The following PLOD1 variants were observed in gnomAD, a reference collection of about 807,000 sequenced individuals.
PLOD1 encodes procollagen-lysine,2-oxoglutarate 5-dioxygenase 1, also known as lysine hydroxylase.
In PLOD1, 70 loss-of-function variants were observed where a neutral mutation model predicts 94.7. The observed-to-expected ratio is 0.74, with a 90% CI of 0.61 to 0.90. The LOEUF (loss-of-function observed/expected upper bound fraction) is 0.90, where lower values mean the gene tolerates loss of function less well. Among genes scored for constraint, PLOD1 ranks in the 40% least tolerant of loss-of-function variants. The probability of loss-of-function intolerance (pLI) is 0.00; values close to 1 mark genes in which losing one functional copy is unlikely to be tolerated. For synonymous variants in PLOD1, 417 were observed against 400.2 expected, an observed-to-expected ratio of 1.04 and a Z score of -0.50; for missense variants, 905 against 972.7, an observed-to-expected ratio of 0.93 and a Z score of 0.93.
At position 11,958,819 on chromosome 1, in the gene PLOD1, G is replaced by A. The variant is rs370324660; in HGVS notation, c.975+172G>A. On this transcript the variant is annotated intron_variant, in intron 9 of 18. Coordinates refer to ENST00000196061, the MANE Select transcript of PLOD1 (RefSeq NM_000302.4). The surrounding 1 kb of genome is among the most constrained non-coding windows in gnomAD (Gnocchi z 4.3). ...CTGAGTTAACTTTGGAGTCAGACTG[G>A]GTGAGTTTGAATCCCAGCGCCGCTA... Among the ~76,000 whole-genome samples, 13 of 152,230 alleles carry A rather than the reference G, an allele frequency of 8.5e-5. No homozygotes were observed. In the East Asian group the frequency reaches 2.1e-3, roughly 25 times the overall value.
At chr1:11,943,124 T>A (rs1405889764) in intron 1 of PLOD1, among the ~76,000 whole-genome samples, 1 of 152,124 alleles carries the variant, frequency 6.6e-6, no homozygotes, top group Non-Finnish European at 1.5e-5. Flanking sequence ...TAGCTGGGAT[T>A]ACAGGCTCCC....
At chr1:11,937,424 C>T (rs1454002240) in intron 1 of PLOD1, among the ~76,000 whole-genome samples, 4 of 152,202 alleles carry the variant, frequency 2.6e-5, no homozygotes, top group African/African-American at 7.2e-5. Flanking sequence ...GGCAGTAAGA[C>T]AGCTCAGAAA....
intron 1 of PLOD1, chr1:11,944,794 C>G: frequency 1.8e-6 from 1 of 561,714 alleles, no homozygotes; most frequent in Non-Finnish European, 2.7e-6. Context: ...AGCTCCCTGC[C>G]CCGGCTACCC....
intron 5 of PLOD1, among the ~76,000 whole-genome samples, chr1:11,953,689 G>A (rs1416371446): frequency 2.0e-5 from 3 of 151,600 alleles, no homozygotes; most frequent in African/African-American, 4.8e-5. Flanking sequence ...CTACTCAGGA[G>A]GCTGAGGCAG....
chr1:11,968,253 C>T (rs1391239824), intron 16 of PLOD1, among the ~76,000 whole-genome samples: 2 of 151,860 alleles, frequency 1.3e-5, no homozygotes, highest in Non-Finnish European at 2.9e-5. Context: ...CGTGTCTGGC[C>T]TAAGGCACCT....
At chr1:11,943,732 A>G (rs1645630485) in intron 1 of PLOD1, among the ~76,000 whole-genome samples, 1 of 152,090 alleles carries the variant, frequency 6.6e-6, no homozygotes, top group South Asian at 2.1e-4. Flanking sequence ...TTACATAGAT[A>G]GAGAGACAGG....
In PLOD1 at chr1:11,958,628, G is replaced by A. The variant is rs749535965; in HGVS notation, c.956G>A (p.Arg319Gln). 23 of 1,613,998 alleles carry A rather than the reference G, an allele frequency of 1.4e-5. No homozygotes were observed. In the East Asian group the frequency reaches 3.3e-4, roughly 23 times the overall value. The change falls in exon 9 of 19, where the codon CGA (arginine) becomes CAA (glutamine). Residue 319 changes from arginine (R) to glutamine (Q), a missense_variant. Coordinates refer to ENST00000196061, the MANE Select transcript of PLOD1 (RefSeq NM_000302.4). This position sits in a 1 kb window ranked among gnomAD's most constrained non-coding sequence, Gnocchi z 4.3. ...LRLHYPQKHM[R>Q]LFIHNHEQHH... ...CTCCACTACCCCCAGAAACACATGC[G>A]ACTTTTCATCCACAACCACGTGAGT...
chr1:11,946,271 G>A (rs1645654216), intron 1 of PLOD1, among the ~76,000 whole-genome samples: 1 of 152,110 alleles, frequency 6.6e-6, no homozygotes, highest in South Asian at 2.1e-4. Context: ...CTCTGAGAGG[G>A]GCTTCCCCAG....
chr1:11,954,027 G>C (rs1164603939), intron 5 of PLOD1, among the ~76,000 whole-genome samples: 1 of 151,090 alleles, frequency 6.6e-6, no homozygotes. Context: ...ACCATGTCTG[G>C]CTAATTTTAA....
chr1:11,946,255 AGT>A (rs1272057449), intron 1 of PLOD1, among the ~76,000 whole-genome samples: 1 of 152,304 alleles, frequency 6.6e-6, no homozygotes, highest in East Asian at 1.9e-4. Context: ...ACAGCTTCAA[AGT>A]GTGCTCTGAG....
At chr1:11,955,319 C>T (rs962196312) in intron 6 of PLOD1, among the ~76,000 whole-genome samples, 44 of 152,216 alleles carry the variant, frequency 2.9e-4, no homozygotes, top group African/African-American at 1.1e-3. Flanking sequence ...CATCCCTGGG[C>T]CTGGCCTCAT....
In PLOD1 at chr1:11,957,095, CCCTGGGGCCAGGGCCACCTT is replaced by C. The variant is rs1415720525; in HGVS notation, c.741+91_741+110del. 3 of 967,912 alleles carry C rather than the reference CCCTGGGGCCAGGGCCACCTT, an allele frequency of 3.1e-6. No homozygotes were observed. The African/African-American group carries it at 4.8e-5, about 15-fold the overall frequency. The allele number at this position is 967,912 out of a possible 1,614,324, so 60.0% of individuals were successfully genotyped here. On this transcript the variant is annotated intron_variant, in intron 7 of 18. Coordinates refer to ENST00000196061, the MANE Select transcript of PLOD1 (RefSeq NM_000302.4). This position sits in a 1 kb window ranked among gnomAD's most constrained non-coding sequence, Gnocchi z 4.1. ...TTCTCACTGTGACCCCACAGTGTCT[CCCTGGGGCCAGGGCCACCTT>C]CCTGGGGCCTGCTATGAACTCACTG...
At position 11,948,067 on chromosome 1, in the gene PLOD1, G is replaced by C; in HGVS notation, c.168G>C (p.Gln56His). The C allele has an allele frequency of 6.2e-7, 1 of 1,609,786 alleles. No individual in the cohort carries two copies. ...RSAQFFNYKIQALGLGEDWNV... is the reference protein window; with the variant it reads ...RSAQFFNYKIHALGLGEDWNV... ...CTCAGTTCTTCAACTACAAGATCCA[G>C]GTAAGGGGTTTCCTGGGTGAGGCAG... Residue 56 changes from glutamine to histidine, a missense_variant and splice_region_variant, in exon 2 of 19, where the codon CAG (glutamine) becomes CAC (histidine). Physicochemically the swap from Gln to His is conservative, Grantham distance 24 (BLOSUM62 0). Coordinates refer to ENST00000196061, the MANE Select transcript of PLOD1 (RefSeq NM_000302.4).
intron 1 of PLOD1, among the ~76,000 whole-genome samples, chr1:11,937,558 C>T (rs1645588592): frequency 6.6e-6 from 1 of 152,180 alleles, no homozygotes; most frequent in Non-Finnish European, 1.5e-5. Flanking sequence ...CTTCTGCTGA[C>T]ATGGGGTGCC....
intron 16 of PLOD1, among the ~76,000 whole-genome samples, chr1:11,968,518 CTTT>C (rs1359987084): frequency 2.8e-5 from 4 of 141,728 alleles, no homozygotes; most frequent in Admixed American, 7.1e-5. Flanking sequence ...TTTCTTTTTT[CTTT>C]TTTTTTTTTT....
At chr1:11,962,274 C>CTTTTTTTTTTTTTTTTTTTTTTTTTT (rs780613164) in intron 10 of PLOD1, among the ~76,000 whole-genome samples, 1 of 99,090 alleles carries the variant, frequency 1.0e-5, no homozygotes, top group Admixed American at 1.2e-4. Context: ...TTTTTGTTTT[C>CTTTTTTTTTTTTTTTTTTTTTTTTTT]TTTTTTTTTT....
chr1:11,973,030 G>T lies in PLOD1; in HGVS notation c.2028+33G>T, dbSNP rs1360323367. On this transcript the variant is annotated intron_variant, in intron 18 of 18. Coordinates refer to ENST00000196061, the MANE Select transcript of PLOD1 (RefSeq NM_000302.4). Reference sequence around the variant, plus strand: ...GGAGCCAGCCGGGGTCAAGGGGCCGGCAATGGGGATGAGGAGGGCTAGCTG... The same window carrying T: ...GGAGCCAGCCGGGGTCAAGGGGCCGTCAATGGGGATGAGGAGGGCTAGCTG... 5 of 1,612,814 alleles carry T rather than the reference G, an allele frequency of 3.1e-6. No individual in the cohort carries two copies. The Admixed American group carries it at 6.7e-5, about 22-fold the overall frequency.
At chr1:11,956,854 G>A in intron 6 of PLOD1, 63 bp from the exon 7 acceptor site, 3 of 1,088,994 alleles carry the variant, frequency 2.8e-6, no homozygotes, top group Non-Finnish European at 4.3e-6. Flanking sequence ...AGCCCAGCTG[G>A]TTGGACCCTG....
intron 9 of PLOD1, among the ~76,000 whole-genome samples, chr1:11,959,690 T>C (rs1645764490): frequency 6.6e-6 from 1 of 150,638 alleles, no homozygotes; most frequent in Non-Finnish European, 1.5e-5. Context: ...TGATCTCAGC[T>C]CAGTGCAACC....
Sources: gnomAD v4.1 joint callset for allele counts (sites outside exome capture counted in the v4.1 genomes callset) on GRCh38, gnomAD v4.1.1 for gene constraint, Gnocchi (gnomAD v3.1) non-coding constraint, MANE v1.5 for transcripts, NCBI Gene and HGNC (gene_info 2026-07-23, HGNC 2026-07-21) for gene names.